TPO: variants seen among roughly 807,000 people sequenced by gnomAD.
TPO encodes thyroid microsomal antigen.
TPO carries 78 observed loss-of-function variants against 96.9 expected under a neutral mutation model. The ratio of observed to expected loss-of-function variants is 0.81; its 90% CI spans 0.67 to 0.97. TPO has a LOEUF of 0.97. TPO is among the 50% of genes least tolerant of loss of function. The probability of loss-of-function intolerance (pLI) is 0.00; values close to 1 mark genes in which losing one functional copy is unlikely to be tolerated. For missense variants in TPO, 1,252 were observed against 1,274.8 expected, an observed-to-expected ratio of 0.98 and a Z score of 0.27; for synonymous variants, 547 against 538.0, an observed-to-expected ratio of 1.02 and a Z score of -0.23.
At chr2:1,504,533 C>G (rs975161070) in intron 14 of TPO, among the ~76,000 whole-genome samples, 3 of 152,224 alleles carry the variant, frequency 2.0e-5, no homozygotes, top group African/African-American at 4.8e-5. Flanking sequence ...ATGTCCCCGC[C>G]CGGCATGGGG....
At chr2:1,423,597 TA>T (rs1664017774) in intron 3 of TPO, among the ~76,000 whole-genome samples, 1 of 152,082 alleles carries the variant, frequency 6.6e-6, no homozygotes, top group Non-Finnish European at 1.5e-5. Flanking sequence ...CTATTAAGAA[TA>T]TTGTGGTCTC....
chr2:1,537,538 CCAG>C (rs1558441748), intron 15 of TPO, among the ~76,000 whole-genome samples: 240 of 36,184 alleles, frequency 6.6e-3, no homozygotes, highest in Non-Finnish European at 9.7e-3. Context: ...CCTATCCCCC[CCAG>C]TGTGCAACCT....
At chr2:1,410,080 A>C (rs1475520329), upstream of TPO, among the ~76,000 whole-genome samples, 1 of 152,148 alleles carries the variant, frequency 6.6e-6, no homozygotes, top group Non-Finnish European at 1.5e-5. Flanking sequence ...GTATAGCTTG[A>C]TGACTATTGT....
Position 1,456,075 on chromosome 2 carries a change from G to C in TPO, c.613-1G>C. The C allele has an allele frequency of 6.2e-7, 1 of 1,613,536 alleles. No individual in the cohort carries two copies. The highest frequency in any genetic ancestry group is 8.5e-7 in the Non-Finnish European group (1 of 1,179,856). ...CTGACCAATGGTCTCTTCCTACCCA[G>C]GTCCGGGAGGTGACAAGACATGTCA... On this transcript the variant is annotated splice_acceptor_variant, in intron 6 of 16. Coordinates refer to ENST00000329066, the MANE Select transcript of TPO (RefSeq NM_001206744.2). LOFTEE classifies it high-confidence loss of function.
At chr2:1,516,484 C>T (rs991626249) in intron 14 of TPO, among the ~76,000 whole-genome samples, 5 of 152,228 alleles carry the variant, frequency 3.3e-5, no homozygotes, top group African/African-American at 9.6e-5. Flanking sequence ...TACAGCCCAC[C>T]TTGCGAACCT....
At chr2:1,424,278 G>A (rs531625512) in intron 3 of TPO, among the ~76,000 whole-genome samples, 3 of 144,164 alleles carry the variant, frequency 2.1e-5, no homozygotes, top group Non-Finnish European at 3.0e-5. Context: ...GGAATGTCTG[G>A]GTTATGTTAA....
chr2:1,526,940 C>T (rs1485551591), intron 15 of TPO, among the ~76,000 whole-genome samples: 1 of 149,162 alleles, frequency 6.7e-6, no homozygotes, highest in Non-Finnish European at 1.5e-5. Context: ...TCTGTGCAAC[C>T]TCCACAAATC....
intron 6 of TPO, among the ~76,000 whole-genome samples, chr2:1,454,700 AAG>A (rs1401681054): frequency 2.0e-5 from 3 of 152,188 alleles, no homozygotes; most frequent in Non-Finnish European, 4.4e-5. Context: ...AAAATGGGAT[AAG>A]ACTGTCTTAC....
chr2:1,473,926 A>T (rs546631538), intron 7 of TPO, among the ~76,000 whole-genome samples: 5 of 152,304 alleles, frequency 3.3e-5, no homozygotes, highest in Admixed American at 6.5e-5. Flanking sequence ...TGTTGTAGAC[A>T]TCTAACATAG....
At chr2:1,378,342 C>G (rs937817237) in intron 1 of TPO, among the ~76,000 whole-genome samples, 1 of 152,238 alleles carries the variant, frequency 6.6e-6, no homozygotes, top group African/African-American at 2.4e-5. Flanking sequence ...GCAAGCCCAG[C>G]CTCACGGGAG....
chr2:1,530,548 C>G (rs1677873929), intron 15 of TPO, among the ~76,000 whole-genome samples: 1 of 113,072 alleles, frequency 8.8e-6, no homozygotes, highest in Non-Finnish European at 1.8e-5. Context: ...CAAATCCCCC[C>G]CATTGTGGGC....
chr2:1,406,942 G>A (rs891826968), intron 1 of TPO, among the ~76,000 whole-genome samples: 2 of 152,154 alleles, frequency 1.3e-5, no homozygotes, highest in Non-Finnish European at 1.5e-5. Context: ...TCACCACACT[G>A]TTTCATAAAT....
chr2:1,397,834 C>G (rs145529558), intron 1 of TPO, among the ~76,000 whole-genome samples: 2,237 of 152,254 alleles, frequency 0.015, 61 homozygotes, highest in South Asian at 0.1. Context: ...CCGATGTTGT[C>G]TCTCCTTCCA....
At chr2:1,476,724 G>T (rs956213794) in intron 7 of TPO, among the ~76,000 whole-genome samples, 4 of 152,244 alleles carry the variant, frequency 2.6e-5, no homozygotes, top group Non-Finnish European at 4.4e-5. Flanking sequence ...AGGATGTGGG[G>T]TCCATCCTCT....
chr2:1,495,323 A>G (rs1377514878), intron 11 of TPO, among the ~76,000 whole-genome samples: 2 of 152,210 alleles, frequency 1.3e-5, no homozygotes, highest in Non-Finnish European at 2.9e-5. Flanking sequence ...TGGGAGATGC[A>G]TGCTTTACGG....
chr2:1,542,130 G>C (rs1351241565), intron 16 of TPO: 6 of 543,428 alleles, frequency 1.1e-5, no homozygotes, highest in Non-Finnish European at 1.6e-5. Context: ...GCAGGGACCT[G>C]TGTGCTCAGC....
intron 1 of TPO, among the ~76,000 whole-genome samples, chr2:1,408,431 A>G (rs1158578584): frequency 6.6e-6 from 1 of 152,208 alleles, no homozygotes; most frequent in Non-Finnish European, 1.5e-5. Context: ...CCTTGGAAGC[A>G]CTGACATTCG....
chr2:1,532,150 T>C (rs1422893551), intron 15 of TPO, among the ~76,000 whole-genome samples: 1 of 103,602 alleles, frequency 9.7e-6, no homozygotes, highest in East Asian at 3.3e-4. Context: ...CCCCTCACTG[T>C]GTGCAACCTA....
intron 1 of TPO, among the ~76,000 whole-genome samples, chr2:1,405,553 A>C (rs1662238409): frequency 6.7e-6 from 1 of 148,610 alleles, no homozygotes; most frequent in Admixed American, 6.7e-5. Context: ...ATCAGAACCC[A>C]CCCCACTCTC....
Sources: allele counts gnomAD v4.1 joint callset (sites outside exome capture counted in the v4.1 genomes callset), GRCh38; gene constraint gnomAD v4.1.1; transcripts MANE v1.5; gene names NCBI Gene and HGNC (gene_info 2026-07-23, HGNC 2026-07-21).